The following STK32B variants were observed in gnomAD, a reference collection of about 807,000 sequenced individuals.
STK32B encodes the protein serine/threonine kinase 32B, also known as serine/threonine-protein kinase 32B.
STK32B carries 43 observed loss-of-function variants against 52.6 expected under a neutral mutation model. The observed-to-expected ratio is 0.82, with a 90% CI of 0.64 to 1.05. The LOEUF is 1.05. Ranked by LOEUF, STK32B falls within the 50% of genes least tolerant of loss-of-function variation. The pLI is 0.00. For synonymous variants in STK32B, 238 were observed against 204.3 expected, an observed-to-expected ratio of 1.17 and a Z score of -1.41; for missense variants, 621 against 534.6, an observed-to-expected ratio of 1.16 and a Z score of -1.59.
At chr4:5,437,950 A>T (rs928308200) in intron 6 of STK32B, 17 of 985,326 alleles carry the variant, frequency 1.7e-5, no homozygotes, top group Non-Finnish European at 2.0e-5. Flanking sequence ...GTGGGGGAGG[A>T]GGGAATGTCA....
chr4:5,208,376 T>C (rs1001516806), intron 3 of STK32B, among the ~76,000 whole-genome samples: 4 of 152,202 alleles, frequency 2.6e-5, no homozygotes, highest in Non-Finnish European at 5.9e-5. Flanking sequence ...TGGAAGTAAA[T>C]AAGAACAAAC....
intron 3 of STK32B, among the ~76,000 whole-genome samples, chr4:5,267,369 C>T (rs1207466300): frequency 6.6e-6 from 1 of 152,052 alleles, no homozygotes; most frequent in African/African-American, 2.4e-5. Flanking sequence ...TTTTACCTGC[C>T]CCTCCCCGCT....
intron 6 of STK32B, among the ~76,000 whole-genome samples, chr4:5,427,573 G>T (rs28870416): frequency 0.16 from 24,061 of 152,108 alleles, 2,623 homozygotes; most frequent in East Asian, 0.41. Flanking sequence ...ACAGACATGG[G>T]ACTATTCTGT....
chr4:5,311,915 T>TATATATATATATATA (rs1228362253), intron 3 of STK32B, among the ~76,000 whole-genome samples: 2 of 135,438 alleles, frequency 1.5e-5, no homozygotes, highest in South Asian at 4.4e-4. Context: ...TATATATATA[T>TATATATATATATATA]TTTTTTTTAA....
At position 5,051,690 on chromosome 4, in the gene STK32B, G is replaced by T; in HGVS notation, c.-174G>T. On this transcript the variant is annotated 5_prime_UTR_variant, in exon 1 of 12. Transcript: ENST00000282908. Reference sequence around the variant, plus strand: ...CGAGCGCAGTCGGAAGGGCGTCCAGGAGAAGGGGGACGCCGTCCCCGCCCC... The same window carrying T: ...CGAGCGCAGTCGGAAGGGCGTCCAGTAGAAGGGGGACGCCGTCCCCGCCCC... 1.3e-6 allele frequency: 1 copy of T among 741,912 alleles called. No individual in the cohort carries two copies. Among genetic ancestry groups the T allele is most frequent in the Non-Finnish European group, 2.1e-6 (1 of 480,130 alleles). The allele number at this position is 741,912 out of a possible 1,614,324, so 46.0% of individuals were successfully genotyped here. A position where few individuals can be genotyped will look rare whatever the true frequency, so the allele number is the denominator to read the frequency against.
At chr4:5,123,961 C>T (rs1304461572) in intron 1 of STK32B, among the ~76,000 whole-genome samples, 1 of 152,114 alleles carries the variant, frequency 6.6e-6, no homozygotes, top group African/African-American at 2.4e-5. Context: ...CTGATCAAAG[C>T]CTGTTAGCCT....
At chr4:5,139,743 A>G in intron 1 of STK32B, 162 bp from the exon 2 acceptor site, 1 of 681,850 alleles carries the variant, frequency 1.5e-6, no homozygotes, top group East Asian at 2.7e-5. Context: ...AATGTGCTGC[A>G]AATTCCCCTG....
At chr4:5,326,219 C>G (rs1037364688) in intron 3 of STK32B, among the ~76,000 whole-genome samples, 1 of 152,118 alleles carries the variant, frequency 6.6e-6, no homozygotes, top group African/African-American at 2.4e-5. Flanking sequence ...TTTCAATAGT[C>G]CATCAACTAT....
At chr4:5,286,923 G>A (rs528527756) in intron 3 of STK32B, among the ~76,000 whole-genome samples, 111 of 149,484 alleles carry the variant, frequency 7.4e-4, no homozygotes, top group South Asian at 4.5e-3. Flanking sequence ...TCAGCCTCCC[G>A]AGTAGCTGAG....
intron 4 of STK32B, among the ~76,000 whole-genome samples, chr4:5,344,761 T>A (rs1733335836): frequency 2.0e-5 from 3 of 152,134 alleles, no homozygotes; most frequent in African/African-American, 7.2e-5. Context: ...GCCAACACCT[T>A]TCTTTAGTTA....
chr4:5,233,217 T>C (rs934055273), intron 3 of STK32B, among the ~76,000 whole-genome samples: 4 of 152,058 alleles, frequency 2.6e-5, no homozygotes, highest in Non-Finnish European at 5.9e-5. Context: ...GTACCAAGAT[T>C]TTGAATTAAG....
intron 3 of STK32B, among the ~76,000 whole-genome samples, chr4:5,318,297 A>C (rs1302400175): frequency 6.6e-6 from 1 of 152,168 alleles, no homozygotes; most frequent in Non-Finnish European, 1.5e-5. Flanking sequence ...TTCTTAAAAC[A>C]GGCAGTGAAA....
At chr4:5,492,050 T>G (rs1021429940) in intron 11 of STK32B, among the ~76,000 whole-genome samples, 41 of 152,130 alleles carry the variant, frequency 2.7e-4, no homozygotes, top group Admixed American at 2.6e-4. Flanking sequence ...TAGGATTGAC[T>G]TGGCAATGCG....
intron 7 of STK32B, chr4:5,447,020 A>C (rs1351750503): frequency 2.7e-5 from 11 of 403,978 alleles, no homozygotes; most frequent in Non-Finnish European, 4.6e-5. Context: ...ACAAAGGCCC[A>C]CAGCGGATCA....
At chr4:5,436,555 T>A (rs3774837) in intron 6 of STK32B, 83,508 of 983,736 alleles carry the variant, frequency 0.085, 4,345 homozygotes, top group East Asian at 0.39. Context: ...GAGGTCTCTC[T>A]GGGTCCAGAG....
intron 3 of STK32B, among the ~76,000 whole-genome samples, chr4:5,285,507 A>G (rs59461122): frequency 0.02 from 3,087 of 152,316 alleles, 97 homozygotes; most frequent in African/African-American, 0.063. Context: ...ATAAACCAAG[A>G]AAAGAATTAT....
intron 3 of STK32B, among the ~76,000 whole-genome samples, chr4:5,229,862 G>A (rs751311527): frequency 3.9e-5 from 6 of 152,120 alleles, no homozygotes; most frequent in African/African-American, 7.2e-5. Context: ...TTTTGGGGAT[G>A]ATAATGAGAT....
At chr4:5,184,921 A>T (rs1720630485) in intron 3 of STK32B, among the ~76,000 whole-genome samples, 1 of 152,238 alleles carries the variant, frequency 6.6e-6, no homozygotes, top group South Asian at 2.1e-4. Context: ...AGAGAAGCAC[A>T]GGAAAATGAG....
chr4:5,420,719 C>T (rs976639964), intron 6 of STK32B, among the ~76,000 whole-genome samples: 1 of 152,078 alleles, frequency 6.6e-6, no homozygotes, highest in African/African-American at 2.4e-5. Flanking sequence ...AGGGGGACAT[C>T]CCACAGGGGA....
Sources: gnomAD v4.1 joint callset for allele counts (sites outside exome capture counted in the v4.1 genomes callset) on GRCh38, gnomAD v4.1.1 for gene constraint, MANE v1.5 for transcripts, NCBI Gene and HGNC (gene_info 2026-07-23, HGNC 2026-07-21) for gene names.